The following MPPED2 variants were observed in gnomAD, a reference collection of about 807,000 sequenced individuals.
The protein encoded by MPPED2 is metallophosphoesterase MPPED2.
A neutral mutation model predicts 33.0 loss-of-function variants in MPPED2; 5 were observed. That is an observed-to-expected ratio of 0.15 (90% CI 0.08 to 0.32). MPPED2 has a LOEUF of 0.32. Ranked by LOEUF, MPPED2 falls within the 10% of genes least tolerant of loss-of-function variation. The probability of loss-of-function intolerance (pLI) is 1.00; values close to 1 mark genes in which losing one functional copy is unlikely to be tolerated. For missense variants in MPPED2, 275 were observed against 372.1 expected (o/e 0.74, Z 2.15); for synonymous variants, 136 against 141.9 (o/e 0.96, Z 0.29).
At chr11:30,479,064 T>C (rs1009368315) in intron 4 of MPPED2, among the ~76,000 whole-genome samples, 5 of 152,224 alleles carry the variant, frequency 3.3e-5, no homozygotes, top group African/African-American at 1.2e-4. Flanking sequence ...TGGGACATTT[T>C]CCCAGAGGGC....
intron 4 of MPPED2, among the ~76,000 whole-genome samples, chr11:30,493,023 C>A (rs1952053529): frequency 6.6e-6 from 1 of 152,150 alleles, no homozygotes; most frequent in South Asian, 2.1e-4. Context: ...ATTAAGAGTT[C>A]AAAATCATTG....
intron 2 of MPPED2, among the ~76,000 whole-genome samples, chr11:30,558,994 T>C (rs1044191604): frequency 6.6e-6 from 1 of 152,084 alleles, no homozygotes; most frequent in Admixed American, 6.5e-5. Flanking sequence ...AAAATGGTGA[T>C]GAATGGAATA....
intron 2 of MPPED2, among the ~76,000 whole-genome samples, chr11:30,569,953 A>G (rs1425755331): frequency 6.6e-6 from 1 of 152,158 alleles, no homozygotes; most frequent in Admixed American, 6.5e-5. Flanking sequence ...AGGAAGAGTT[A>G]TGATCTCACA....
chr11:30,569,549 C>T (rs565314674), intron 2 of MPPED2, among the ~76,000 whole-genome samples: 105 of 152,212 alleles, frequency 6.9e-4, no homozygotes, highest in Non-Finnish European at 2.5e-4. Context: ...CTGTAAAAGT[C>T]AGAATTTGAG....
At chr11:30,459,972 C>T (rs936150857) in intron 4 of MPPED2, among the ~76,000 whole-genome samples, 7 of 152,300 alleles carry the variant, frequency 4.6e-5, no homozygotes, top group Middle Eastern at 6.8e-3. Context: ...GTCAGCCTGG[C>T]GTCTGCTTCA....
At chr11:30,575,813 T>A (rs571538326) in intron 2 of MPPED2, among the ~76,000 whole-genome samples, 81 of 152,276 alleles carry the variant, frequency 5.3e-4, no homozygotes, top group African/African-American at 1.5e-3. Flanking sequence ...TGGAGGTGGA[T>A]GAGACACTCC....
chr11:30,514,260 A>G (rs763831260), intron 3 of MPPED2, among the ~76,000 whole-genome samples: 1 of 152,208 alleles, frequency 6.6e-6, no homozygotes, highest in Non-Finnish European at 1.5e-5. Context: ...CGAAACATGA[A>G]GAAAAGTCTG....
At chr11:30,416,559 C>T (rs547509779) in intron 5 of MPPED2, among the ~76,000 whole-genome samples, 163 of 152,192 alleles carry the variant, frequency 1.1e-3, no homozygotes, top group Middle Eastern at 3.4e-3. Flanking sequence ...TTTTTTCCCT[C>T]TCTCCAAACC....
At chr11:30,513,613 T>C (rs779775436) in intron 3 of MPPED2, among the ~76,000 whole-genome samples, 3 of 152,148 alleles carry the variant, frequency 2.0e-5, no homozygotes, top group Non-Finnish European at 4.4e-5. Flanking sequence ...TAACAGGTGA[T>C]GATAGGTTAA....
intron 4 of MPPED2, among the ~76,000 whole-genome samples, chr11:30,492,546 G>A (rs887042239): frequency 2.0e-5 from 3 of 152,032 alleles, no homozygotes; most frequent in Non-Finnish European, 2.9e-5. Flanking sequence ...ATTAAGAACT[G>A]GGCTGTGAAG....
At chr11:30,476,118 G>C (rs953989142) in intron 4 of MPPED2, among the ~76,000 whole-genome samples, 8 of 151,932 alleles carry the variant, frequency 5.3e-5, no homozygotes, top group Non-Finnish European at 8.8e-5. Flanking sequence ...TGGGTTGTAA[G>C]ACTCCTTTAT....
In MPPED2 at chr11:30,443,275, G is replaced by A. The variant is rs1399505550; in HGVS notation, c.537-25642C>T. The stretch of plus-strand genomic sequence containing the variant: ...AGGCTTACTGCTTGCTCCACGTCAG[G>A]CATTGGACAGAATTCTTTAAGTGTC... On this transcript the variant is annotated intron_variant, in intron 4 of 6. Coordinates refer to ENST00000358117, the MANE Select transcript of MPPED2 (RefSeq NM_001584.3). 3.3e-5 allele frequency among the ~76,000 whole-genome samples: 5 copies of A among 152,172 alleles called. No homozygotes were observed. The East Asian group carries it at 9.6e-4, about 29-fold the overall frequency.
At chr11:30,443,458 C>T (rs543502753) in intron 4 of MPPED2, among the ~76,000 whole-genome samples, 8 of 152,122 alleles carry the variant, frequency 5.3e-5, no homozygotes, top group African/African-American at 1.9e-4. Context: ...GTCTCATTGT[C>T]TTCCTTATAT....
chr11:30,384,553 C>G (rs1456329980), exon 7 of MPPED2: 1 of 150,448 alleles, frequency 6.6e-6, no homozygotes, highest in African/African-American at 2.5e-5. Context: ...GGGCTCACTG[C>G]TACCTCCGCC....
intron 4 of MPPED2, among the ~76,000 whole-genome samples, chr11:30,432,025 A>G (rs766727706): frequency 9.2e-5 from 14 of 152,034 alleles, no homozygotes; most frequent in African/African-American, 2.4e-4. Flanking sequence ...AAATACAAAA[A>G]CTGTGTGGTG....
chr11:30,455,810 G>C (rs140115865), intron 4 of MPPED2, among the ~76,000 whole-genome samples: 1 of 152,188 alleles, frequency 6.6e-6, no homozygotes, highest in African/African-American at 2.4e-5. Flanking sequence ...CCCTCACCTG[G>C]GTAGTCCTAC....
At chr11:30,391,211 TTATAAAGTGGCTTCCCTC>T (rs1375785547) in intron 6 of MPPED2, among the ~76,000 whole-genome samples, 1 of 152,068 alleles carries the variant, frequency 6.6e-6, no homozygotes, top group Non-Finnish European at 1.5e-5. Context: ...CCAACTCCCT[TTATAAAGTGGCTTCCCTC>T]TGGAGGGAAG....
At chr11:30,446,857 C>T (rs141296239) in intron 4 of MPPED2, among the ~76,000 whole-genome samples, 2 of 152,236 alleles carry the variant, frequency 1.3e-5, no homozygotes, top group Non-Finnish European at 2.9e-5. Context: ...TCCAAGTTAC[C>T]GATTTCTCTG....
intron 4 of MPPED2, among the ~76,000 whole-genome samples, chr11:30,441,677 G>C (rs943077725): frequency 2.6e-5 from 4 of 152,176 alleles, no homozygotes; most frequent in African/African-American, 7.2e-5. Context: ...TCTGAAAGTA[G>C]GAAACATTTC....
Sources: gnomAD v4.1 joint callset for allele counts (sites outside exome capture counted in the v4.1 genomes callset) on GRCh38, gnomAD v4.1.1 for gene constraint, MANE v1.5 for transcripts, NCBI Gene and HGNC (gene_info 2026-07-23, HGNC 2026-07-21) for gene names.